The following APTX variants were observed in gnomAD, a reference collection of about 807,000 sequenced individuals.
APTX encodes the protein aprataxin, also known as forkhead-associated domain histidine triad-like protein.
A neutral mutation model predicts 42.3 loss-of-function variants in APTX; 33 were observed. That is an observed-to-expected ratio of 0.78 (90% CI 0.59 to 1.04). The LOEUF is 1.04. APTX is among the 50% of genes least tolerant of loss of function. APTX has a pLI of 0.00. For missense variants in APTX, 421 were observed against 415.1 expected, an observed-to-expected ratio of 1.01 and a Z score of -0.12; for synonymous variants, 130 against 146.7, an observed-to-expected ratio of 0.89 and a Z score of 0.82.
At chr9:33,001,431 AAGC>A (rs768298335) in intron 1 of APTX, 133 bp downstream of exon 1, 15 of 1,549,004 alleles carry the variant, frequency 9.7e-6, no homozygotes, top group African/African-American at 5.4e-5. Flanking sequence ...AGGACGGAGA[AAGC>A]AGCCGTGAGA....
intron 1 of APTX, among the ~76,000 whole-genome samples, chr9:33,018,645 C>T (rs1053334177): frequency 5.3e-5 from 8 of 149,616 alleles, no homozygotes; most frequent in East Asian, 4.0e-4. Context: ...TTTGGCAGGC[C>T]GAGGCAGGTG....
chr9:32,989,830 T>C lies in APTX; in HGVS notation c.62A>G (p.His21Arg), dbSNP rs752837320. 1.9e-6 allele frequency: 3 copies of C among 1,614,258 alleles called. No individual in the cohort carries two copies. The highest frequency in any genetic ancestry group is 2.5e-6 in the Non-Finnish European group (3 of 1,180,048). ...ACGCCCAATCACAACTGCTTCCAAA[T>C]GTGGAAGTCTGATTCGCTGGTGCCG... Reference protein sequence around the residue: ...DSRHQRIRLPHLEAVVIGRGP... With the variant: ...DSRHQRIRLPRLEAVVIGRGP... Residue 21 changes from histidine (H) to arginine (R), a missense_variant, in exon 2 of 8, where the codon CAT (histidine) becomes CGT (arginine). His to Arg is a conservative substitution (Grantham distance 29, BLOSUM62 0). Transcript: ENST00000379817.
intron 1 of APTX, among the ~76,000 whole-genome samples, chr9:33,007,929 T>A (rs78204777): frequency 0.07 from 10,709 of 151,994 alleles, 511 homozygotes; most frequent in Non-Finnish European, 0.11. Context: ...TTCCTTCCCA[T>A]CCCTGTCTCA....
At chr9:33,017,342 T>G (rs1350822763) in intron 1 of APTX, among the ~76,000 whole-genome samples, 1 of 152,182 alleles carries the variant, frequency 6.6e-6, no homozygotes, top group African/African-American at 2.4e-5. Flanking sequence ...CACCAGAAAC[T>G]TATTTCTCAT....
In APTX at chr9:32,988,142, G is replaced by A. The variant is rs761547802; in HGVS notation, c.134-13C>T. The A allele has an allele frequency of 5.6e-6, 9 of 1,613,652 alleles. No individual in the cohort carries two copies. Among genetic ancestry groups the A allele is most frequent in the South Asian group, 5.5e-5 (5 of 91,066 alleles). On this transcript the variant is annotated splice_polypyrimidine_tract_variant and intron_variant, in intron 2 of 7. Transcript: ENST00000379817. ...GCTTTCAACTGTACTGAAAGAGATT[G>A]GAAAAAGTTAAACACAAATGCAACA...
At chr9:33,007,491 G>A (rs113594253) in intron 1 of APTX, among the ~76,000 whole-genome samples, 11 of 152,304 alleles carry the variant, frequency 7.2e-5, no homozygotes, top group African/African-American at 1.2e-4. Flanking sequence ...CAGCCTGAAC[G>A]AAGGGACAGA....
Position 33,010,248 on chromosome 9 carries a change from G to T in APTX, c.-5+14775C>A, listed in dbSNP as rs1266202641. Among the ~76,000 whole-genome samples, 30 of 152,282 alleles carry T rather than the reference G, an allele frequency of 2.0e-4. 1 individual carries two copies. Among genetic ancestry groups the T allele is most frequent in the Non-Finnish European group, 5.9e-5 (4 of 68,006 alleles). On this transcript the variant is annotated intron_variant, in intron 1 of 6. Coordinates refer to the APTX transcript ENST00000436040. ...GTCAACTGGGAGAGACATGGCTATA[G>T]GAGCCCACACGGATACCCACATCCC...
upstream of APTX, among the ~76,000 whole-genome samples, chr9:33,005,089 C>G (rs1328605708): frequency 6.6e-6 from 1 of 152,074 alleles, no homozygotes; most frequent in African/African-American, 2.4e-5. Context: ...AATGTCTATT[C>G]AAGTACTTCA....
At chr9:32,987,359 G>A (rs546431601) in intron 4 of APTX, among the ~76,000 whole-genome samples, 185 bp downstream of exon 4, 2 of 152,142 alleles carry the variant, frequency 1.3e-5, no homozygotes, top group East Asian at 1.9e-4. Context: ...CTTACCTCAG[G>A]AATTTAAGAA....
chr9:33,019,607 T>C (rs765182256), intron 1 of APTX: 34 of 380,994 alleles, frequency 8.9e-5, no homozygotes, highest in Non-Finnish European at 1.5e-4. Context: ...CCCGGGAAAG[T>C]AGCAACTGTG....
chr9:33,015,753 A>C (rs895285273), intron 1 of APTX: 4 of 152,190 alleles, frequency 2.6e-5, no homozygotes, highest in Middle Eastern at 3.2e-3. Context: ...ACTTTTTTTT[A>C]ATCTTACAGA....
intron 6 of APTX, among the ~76,000 whole-genome samples, chr9:32,981,415 GGTGTGTATGTGTGTGT>G (rs1235547157): frequency 6.6e-6 from 1 of 151,978 alleles, no homozygotes; most frequent in East Asian, 1.9e-4. Context: ...GAATTATAGG[GGTGTGTATGTGTGTGT>G]GTGTGTATGG....
intron 1 of APTX, among the ~76,000 whole-genome samples, chr9:33,017,105 G>A (rs1237336174): frequency 1.3e-5 from 2 of 152,162 alleles, no homozygotes; most frequent in Non-Finnish European, 2.9e-5. Context: ...CTAATTCTCT[G>A]CAGATACCAA....
intron 1 of APTX, chr9:33,015,884 C>T (rs1482410769): frequency 6.6e-6 from 1 of 151,980 alleles, no homozygotes; most frequent in Non-Finnish European, 1.5e-5. Flanking sequence ...GATTATGGGG[C>T]AAAACAATTC....
chr9:33,021,237 T>C (rs948247301), intron 1 of APTX, among the ~76,000 whole-genome samples: 1 of 151,844 alleles, frequency 6.6e-6, no homozygotes, highest in African/African-American at 2.4e-5. Flanking sequence ...GTAACACATT[T>C]AAGAAGAAAT....
intron 1 of APTX, among the ~76,000 whole-genome samples, chr9:33,020,366 C>G (rs1239334626): frequency 6.6e-6 from 1 of 152,228 alleles, no homozygotes; most frequent in African/African-American, 2.4e-5. Flanking sequence ...GTCATCATGA[C>G]TCTACCTGAA....
chr9:33,006,163 T>G (rs950467167), upstream of APTX, among the ~76,000 whole-genome samples: 3 of 152,110 alleles, frequency 2.0e-5, no homozygotes, highest in African/African-American at 7.2e-5. Context: ...GGCTCATGTG[T>G]GTAATCCCAG....
chr9:33,002,304 A>T (rs1446306518), upstream of APTX, among the ~76,000 whole-genome samples: 1 of 152,142 alleles, frequency 6.6e-6, no homozygotes, highest in Non-Finnish European at 1.5e-5. Context: ...CACTGGCAAA[A>T]ATTCTTTGGT....
At chr9:33,001,197 A>T in intron 1 of APTX, 1 of 875,166 alleles carries the variant, frequency 1.1e-6, no homozygotes, top group Non-Finnish European at 1.6e-6. Context: ...GGATGCTGCT[A>T]AGGTCCCTCA....
Sources: allele counts gnomAD v4.1 joint callset (sites outside exome capture counted in the v4.1 genomes callset), GRCh38; gene constraint gnomAD v4.1.1; transcripts MANE v1.5; gene names NCBI Gene and HGNC (gene_info 2026-07-23, HGNC 2026-07-21).